Variants in RAB8B observed in about 807,000 individuals in gnomAD.
The protein encoded by RAB8B is RAB8B, member RAS oncogene family.
In RAB8B, 11 loss-of-function variants were observed where a neutral mutation model predicts 32.0. The observed-to-expected ratio is 0.34, with a 90% confidence interval of 0.22 to 0.57. The LOEUF is 0.57. Among genes scored for constraint, RAB8B ranks in the 20% least tolerant of loss-of-function variants. RAB8B has a pLI of 0.86. For missense variants in RAB8B, 190 were observed against 258.5 expected (o/e 0.73, Z 1.82); for synonymous variants, 103 against 89.6 (o/e 1.15, Z -0.85).
chr15:63,260,733 A>T (rs1189603541), intron 6 of RAB8B, among the ~76,000 whole-genome samples: 4 of 152,156 alleles, frequency 2.6e-5, no homozygotes, highest in East Asian at 1.9e-4. Context: ...TATTTTTTTT[A>T]AAAAACATTT....
chr15:63,267,336 A>G lies in RAB8B; in HGVS notation c.*3717A>G, dbSNP rs1382695306. The G allele has an allele frequency of 1.3e-5, 2 of 152,680 alleles. No individual in the cohort carries two copies. Among genetic ancestry groups the G allele is most frequent in the Non-Finnish European group, 2.9e-5 (2 of 68,040 alleles). The allele number at this position is 152,680 out of a possible 1,614,324, so 9.5% of individuals were successfully genotyped here. A position where few individuals can be genotyped will look rare whatever the true frequency, so the allele number is the denominator to read the frequency against. On this transcript the variant is annotated 3_prime_UTR_variant, in exon 8 of 8. Transcript: ENST00000321437. The stretch of plus-strand genomic sequence containing the variant: ...TCTTGAAATGCGTGTGCCATATGCA[A>G]TTGCATTTCTTGTGCCAAGAAACTA...
intron 4 of RAB8B, 58 bp downstream of exon 4, chr15:63,255,642 A>G: frequency 7.1e-7 from 1 of 1,409,162 alleles, no homozygotes. Context: ...TGCTTGTAAA[A>G]GGCTCCTCTG....
At chr15:63,258,967 T>G (rs1595751587) in intron 5 of RAB8B, among the ~76,000 whole-genome samples, 1 of 152,078 alleles carries the variant, frequency 6.6e-6, no homozygotes, top group Non-Finnish European at 1.5e-5. Context: ...TTCTTTTGAT[T>G]TAGTTCTAGG....
chr15:63,233,769 C>T lies in RAB8B; in HGVS notation c.125-10987C>T, dbSNP rs73441302. The stretch of plus-strand genomic sequence containing the variant: ...CCCATATTCAGATAGCCTGGGATCA[C>T]GTGTTTCCAAATGTACTTTTGAAAC... On this transcript the variant is annotated intron_variant, in intron 1 of 7. Coordinates refer to ENST00000321437, the MANE Select transcript of RAB8B (RefSeq NM_016530.3). Among the ~76,000 whole-genome samples the T allele has an allele frequency of 8.3e-3, 1,270 of 152,276 alleles. 14 individuals carry two copies. The highest frequency in any genetic ancestry group is 0.029 in the African/African-American group (1,205 of 41,550).
intron 1 of RAB8B, among the ~76,000 whole-genome samples, chr15:63,219,003 GATT>G (rs2037818187): frequency 2.0e-5 from 1 of 48,816 alleles, no homozygotes; most frequent in Admixed American, 2.7e-4. Context: ...TCCAGCAGTG[GATT>G]TTTTTTTTTT....
intron 1 of RAB8B, among the ~76,000 whole-genome samples, chr15:63,206,844 T>G (rs929711002): frequency 1.3e-5 from 2 of 152,120 alleles, no homozygotes; most frequent in Non-Finnish European, 2.9e-5. Context: ...CCCCTCAAAG[T>G]CCTGCTCTGC....
At chr15:63,240,872 T>C (rs1378772237) in intron 1 of RAB8B, among the ~76,000 whole-genome samples, 1 of 148,798 alleles carries the variant, frequency 6.7e-6, no homozygotes, top group Non-Finnish European at 1.5e-5. Flanking sequence ...GAATGGAGAG[T>C]GAGGCTTTAA....
At chr15:63,233,055 C>CTTTTTTTTTTTTTTTTTTTTTTTTTTTT (rs752891283) in intron 1 of RAB8B, among the ~76,000 whole-genome samples, 1 of 141,516 alleles carries the variant, frequency 7.1e-6, no homozygotes, top group Non-Finnish European at 1.5e-5. Flanking sequence ...AAGTAGCATT[C>CTTTTTTTTTTTTTTTTTTTTTTTTTTTT]TTTTTTTTTT....
chr15:63,237,407 A>G (rs1173040034), intron 1 of RAB8B, among the ~76,000 whole-genome samples: 1 of 152,174 alleles, frequency 6.6e-6, no homozygotes, highest in Non-Finnish European at 1.5e-5. Context: ...GTTATTGCCT[A>G]TCTTTTGGAT....
intron 1 of RAB8B, among the ~76,000 whole-genome samples, chr15:63,215,950 A>C (rs2037787962): frequency 6.6e-6 from 1 of 151,874 alleles, no homozygotes; most frequent in South Asian, 2.1e-4. Flanking sequence ...AGGTGGGAGG[A>C]TCACTTGAAC....
chr15:63,219,637 C>T (rs749807755), intron 1 of RAB8B, among the ~76,000 whole-genome samples: 5 of 152,182 alleles, frequency 3.3e-5, no homozygotes, highest in African/African-American at 9.7e-5. Flanking sequence ...AAAATTATTT[C>T]TTACCAGTGG....
intron 1 of RAB8B, among the ~76,000 whole-genome samples, chr15:63,213,986 CAGG>C (rs1340501634): frequency 6.6e-6 from 1 of 151,788 alleles, no homozygotes; most frequent in Non-Finnish European, 1.5e-5. Flanking sequence ...GAGGCTGAGG[CAGG>C]AGAATTGCTT....
At chr15:63,254,504 T>G (rs1335088721) in intron 3 of RAB8B, among the ~76,000 whole-genome samples, 1 of 152,082 alleles carries the variant, frequency 6.6e-6, no homozygotes, top group Admixed American at 6.6e-5. Context: ...ATTTATGTAG[T>G]AGATGGACAG....
chr15:63,229,907 G>A (rs2037922079), intron 1 of RAB8B, among the ~76,000 whole-genome samples: 1 of 150,486 alleles, frequency 6.6e-6, no homozygotes, highest in Non-Finnish European at 1.5e-5. Context: ...TACATATATA[G>A]ATGAGTGTAA....
At chr15:63,215,104 C>T (rs2037781516) in intron 1 of RAB8B, among the ~76,000 whole-genome samples, 2 of 152,278 alleles carry the variant, frequency 1.3e-5, no homozygotes, top group South Asian at 2.1e-4. Flanking sequence ...CTCTGGGAAT[C>T]TGGAAGCTGA....
chr15:63,245,655 C>T (rs2038064831), intron 2 of RAB8B, among the ~76,000 whole-genome samples: 1 of 152,236 alleles, frequency 6.6e-6, no homozygotes, highest in Admixed American at 6.5e-5. Flanking sequence ...GCAGTGTCCC[C>T]ACTTCAGCTG....
At chr15:63,191,989 T>C (rs563372035) in intron 1 of RAB8B, among the ~76,000 whole-genome samples, 3 of 152,224 alleles carry the variant, frequency 2.0e-5, no homozygotes, top group Non-Finnish European at 4.4e-5. Context: ...TGAAAACCAG[T>C]GTCCTGAAAC....
intron 1 of RAB8B, among the ~76,000 whole-genome samples, chr15:63,219,315 GAA>G (rs947119172): frequency 3.3e-5 from 5 of 150,772 alleles, no homozygotes; most frequent in African/African-American, 1.2e-4. Context: ...AAAAAAGAAA[GAA>G]AGAGAGAAAG....
At chr15:63,253,500 A>G (rs1369098769) in intron 3 of RAB8B, among the ~76,000 whole-genome samples, 1 of 152,088 alleles carries the variant, frequency 6.6e-6, no homozygotes, top group African/African-American at 2.4e-5. Context: ...CCTTACGGAA[A>G]GTGGATTAGA....
Sources: gnomAD v4.1 joint callset for allele counts (sites outside exome capture counted in the v4.1 genomes callset) on GRCh38, gnomAD v4.1.1 for gene constraint, MANE v1.5 for transcripts, NCBI Gene and HGNC (gene_info 2026-07-23, HGNC 2026-07-21) for gene names.